Variants in MMD2 observed in about 807,000 individuals in gnomAD.
The protein encoded by MMD2 is monocyte to macrophage differentiation associated 2.
In MMD2, 30 loss-of-function variants were observed where a neutral mutation model predicts 33.5. That is an observed-to-expected ratio of 0.90 (90% CI 0.67 to 1.22). MMD2 has a LOEUF of 1.22. Among genes scored for constraint, MMD2 ranks in the 50% most tolerant of loss-of-function variants. The pLI, the probability that MMD2 is intolerant of heterozygous loss-of-function variation, is 0.00. For synonymous variants in MMD2, 129 were observed against 123.0 expected, an observed-to-expected ratio of 1.05 and a Z score of -0.32; for missense variants, 364 against 325.4, an observed-to-expected ratio of 1.12 and a Z score of -0.91.
chr7:4,900,360 G>A, the MMD2 span, among the ~76,000 whole-genome samples: 1,606 of 152,242 alleles, frequency 0.011, 19 homozygotes, highest in African/African-American at 0.036. Context: ...TCATAAGTGC[G>A]CATATTATCT....
chr7:4,922,261 A>T (rs1037899535), intron 2 of MMD2, among the ~76,000 whole-genome samples: 7 of 150,996 alleles, frequency 4.6e-5, no homozygotes, highest in Non-Finnish European at 1.0e-4. Flanking sequence ...ATCTTATTAC[A>T]TCATCTTAAA....
At position 4,906,906 on chromosome 7, in the gene MMD2, G is replaced by T. The variant is rs1156862524; in HGVS notation, c.*490C>A. 4 of 247,878 alleles carry T rather than the reference G, an allele frequency of 1.6e-5. No individual in the cohort carries two copies. The highest frequency in any genetic ancestry group is 9.0e-5 in the African/African-American group (4 of 44,580). The allele number at this position is 247,878 out of a possible 1,614,324, so 15.4% of individuals were successfully genotyped here. A position where few individuals can be genotyped will look rare whatever the true frequency, so the allele number is the denominator to read the frequency against. The stretch of plus-strand genomic sequence containing the variant: ...CACTTGATTGGTGATGTCTGCCATG[G>T]TCACAGCCATTCACCATCCCTCATC... On this transcript the variant is annotated 3_prime_UTR_variant, in exon 7 of 7. Transcript: ENST00000401401.
At chr7:4,918,118 C>A (rs1583364829) in intron 3 of MMD2, among the ~76,000 whole-genome samples, 2 of 152,172 alleles carry the variant, frequency 1.3e-5, no homozygotes, top group South Asian at 4.1e-4. Flanking sequence ...CAGATGACAG[C>A]AGCCCCAGCC....
chr7:4,949,321 C>T (rs1017177452), intron 1 of MMD2, among the ~76,000 whole-genome samples: 1 of 152,062 alleles, frequency 6.6e-6, no homozygotes, highest in Non-Finnish European at 1.5e-5. Context: ...CCAACCTCCC[C>T]CCAACCTGCC....
intron 1 of MMD2, among the ~76,000 whole-genome samples, chr7:4,942,404 AG>A (rs1320465421): frequency 8.2e-6 from 1 of 121,920 alleles, no homozygotes; most frequent in East Asian, 2.5e-4. Flanking sequence ...CCTGCCTGGG[AG>A]GACATTTCTA....
At chr7:4,908,077 T>C (rs946884670) in intron 6 of MMD2, among the ~76,000 whole-genome samples, 1 of 152,040 alleles carries the variant, frequency 6.6e-6, no homozygotes, top group Non-Finnish European at 1.5e-5. Context: ...CCCAAAGTGA[T>C]GGCATTACAG....
rs373338058 is a variant in MMD2 at position 4,956,726 on chromosome 7, G to A, written c.47+2245C>T. Among the ~76,000 whole-genome samples, 34 of 152,284 alleles carry A rather than the reference G, an allele frequency of 2.2e-4. 2 individuals are homozygous for A. Among genetic ancestry groups the A allele is most frequent in the African/African-American group, 8.2e-4 (34 of 41,584 alleles). On this transcript the variant is annotated intron_variant, in intron 1 of 6. Coordinates refer to ENST00000401401, the MANE Select transcript of MMD2 (RefSeq NM_198403.4). ...ACATCAACCCACTGGGGTCAAGAGA[G>A]GTTGAGACATCTACCAAGGTCACAC...
At chr7:4,953,996 C>A (rs1042103305) in intron 1 of MMD2, among the ~76,000 whole-genome samples, 1 of 152,006 alleles carries the variant, frequency 6.6e-6, no homozygotes, top group Non-Finnish European at 1.5e-5. Context: ...GTAGCTGGGA[C>A]CGCAAGCACA....
At chr7:4,925,388 C>T (rs939501890) in intron 2 of MMD2, 63 bp downstream of exon 2, 23 of 1,337,424 alleles carry the variant, frequency 1.7e-5, no homozygotes, top group East Asian at 5.1e-5. Context: ...AGGTGACTTC[C>T]CCCACCCCCC....
intron 1 of MMD2, among the ~76,000 whole-genome samples, chr7:4,955,909 C>G (rs1018348931): frequency 6.6e-6 from 1 of 152,076 alleles, no homozygotes; most frequent in Non-Finnish European, 1.5e-5. Flanking sequence ...AAAAATTAGC[C>G]AGGCGTGGTT....
At chr7:4,910,664 T>C (rs1439386110) in intron 5 of MMD2, among the ~76,000 whole-genome samples, 3 of 152,084 alleles carry the variant, frequency 2.0e-5, no homozygotes, top group East Asian at 3.9e-4. Flanking sequence ...AGTCTTGCTC[T>C]GTCGCCCAGG....
rs191454680 is a variant in MMD2 at position 4,937,942 on chromosome 7, C to T, written c.48-12410G>A. ...GAGATTACAGGCATGAGCCACATCA[C>T]CTGGTCCTAAGAAAACAATTTAATT... On this transcript the variant is annotated intron_variant, in intron 1 of 6. Transcript: ENST00000401401. Among the ~76,000 whole-genome samples, 20 of 151,336 alleles carry T rather than the reference C, an allele frequency of 1.3e-4. No homozygotes were observed. In the East Asian group the frequency reaches 3.5e-3, roughly 26 times the overall value.
chr7:4,920,003 T>G (rs2115102869), intron 3 of MMD2, among the ~76,000 whole-genome samples, 168 bp downstream of exon 3: 2 of 152,334 alleles, frequency 1.3e-5, no homozygotes, highest in South Asian at 2.1e-4. Flanking sequence ...GCAGGGCTTG[T>G]GCCTCCTGCA....
chr7:4,924,185 T>C (rs58035585), intron 2 of MMD2, among the ~76,000 whole-genome samples: 78,621 of 151,896 alleles, frequency 0.52, 20,812 homozygotes, highest in East Asian at 0.68. Context: ...GAGCGAGACT[T>C]CGTCTCAAAA....
chr7:4,944,412 A>C (rs1028409566), intron 1 of MMD2, among the ~76,000 whole-genome samples: 2 of 151,952 alleles, frequency 1.3e-5, no homozygotes, highest in Non-Finnish European at 2.9e-5. Flanking sequence ...GGGTGAGCCC[A>C]CCCTCCTGCT....
rs964550021 is a variant in MMD2, at chr7:4,906,610, C to G, written c.*786G>C. ...CTACTGAGAATCAACTACGGTGGAACAGAACATCAGGGGCTGCATGGGTGT... is the reference window on the plus strand; with the variant it reads ...CTACTGAGAATCAACTACGGTGGAAGAGAACATCAGGGGCTGCATGGGTGT... On this transcript the variant is annotated 3_prime_UTR_variant, in exon 7 of 7. Coordinates refer to ENST00000401401, the MANE Select transcript of MMD2 (RefSeq NM_198403.4). 1.3e-5 allele frequency: 5 copies of G among 398,400 alleles called. No homozygotes were observed. Among genetic ancestry groups the G allele is most frequent in the Non-Finnish European group, 1.8e-5 (4 of 226,028 alleles). The allele number at this position is 398,400 out of a possible 1,614,324, so 24.7% of individuals were successfully genotyped here. A position where few individuals can be genotyped will look rare whatever the true frequency, so the allele number is the denominator to read the frequency against.
At chr7:4,905,282 GGAA>G (rs544349900), downstream of MMD2, among the ~76,000 whole-genome samples, 232 of 146,324 alleles carry the variant, frequency 1.6e-3, no homozygotes, top group African/African-American at 3.8e-3. The surrounding 1 kb of genome is among the most constrained non-coding windows in gnomAD (Gnocchi z 5.0). Flanking sequence ...AAGAGGAAGA[GGAA>G]GAAGAAGAAG....
At chr7:4,929,158 C>G (rs1305928749) in intron 1 of MMD2, among the ~76,000 whole-genome samples, 5 of 152,248 alleles carry the variant, frequency 3.3e-5, no homozygotes, top group Middle Eastern at 3.4e-3. Context: ...GGTGACTGCT[C>G]TCTGCCTGCA....
intron 2 of MMD2, among the ~76,000 whole-genome samples, chr7:4,922,566 T>C (rs916979811): frequency 6.6e-6 from 1 of 152,208 alleles, no homozygotes. Flanking sequence ...TTTGTGCTAT[T>C]TTAAAATATA....
Sources: gnomAD v4.1 joint callset for allele counts (sites outside exome capture counted in the v4.1 genomes callset) on GRCh38, gnomAD v4.1.1 for gene constraint, Gnocchi (gnomAD v3.1) non-coding constraint, MANE v1.5 for transcripts, NCBI Gene and HGNC (gene_info 2026-07-23, HGNC 2026-07-21) for gene names.